The following PDSS2 variants were observed in gnomAD, a reference collection of about 807,000 sequenced individuals.
PDSS2 encodes the protein all trans-polyprenyl-diphosphate synthase PDSS2.
A neutral mutation model predicts 44.5 loss-of-function variants in PDSS2; 31 were observed. The observed-to-expected ratio is 0.70, with a 90% CI of 0.52 to 0.94. The LOEUF is 0.94. Among genes scored for constraint, PDSS2 ranks in the 40% least tolerant of loss-of-function variants. PDSS2 has a pLI of 0.00. For synonymous variants in PDSS2, 157 were observed against 180.3 expected (o/e 0.87, Z 1.03); for missense variants, 452 against 482.2 (o/e 0.94, Z 0.59).
intron 1 of PDSS2, among the ~76,000 whole-genome samples, chr6:107,437,524 C>CA (rs1781388026): frequency 3.2e-5 from 1 of 30,834 alleles, no homozygotes; most frequent in East Asian, 5.2e-4. Context: ...GACCCTGTCT[C>CA]CAAAAAAAAA....
At chr6:107,171,658 G>A (rs951818645) in intron 7 of PDSS2, among the ~76,000 whole-genome samples, 1 of 152,086 alleles carries the variant, frequency 6.6e-6, no homozygotes, top group Non-Finnish European at 1.5e-5. Flanking sequence ...CTATAGGCAT[G>A]CATCACCATG....
At chr6:107,396,881 C>G (rs1779965533) in intron 1 of PDSS2, among the ~76,000 whole-genome samples, 1 of 151,682 alleles carries the variant, frequency 6.6e-6, no homozygotes, top group African/African-American at 2.4e-5. Flanking sequence ...TTTATAGAGA[C>G]AGGGTCTCAA....
At chr6:107,415,008 T>C (rs929248799) in intron 1 of PDSS2, among the ~76,000 whole-genome samples, 4 of 152,200 alleles carry the variant, frequency 2.6e-5, no homozygotes, top group African/African-American at 9.6e-5. Flanking sequence ...GAGTGAGGCT[T>C]AGATGTAATC....
intron 3 of PDSS2, among the ~76,000 whole-genome samples, chr6:107,251,790 G>C (rs1444127457): frequency 6.6e-6 from 1 of 152,130 alleles, no homozygotes; most frequent in African/African-American, 2.4e-5. Flanking sequence ...GTGCTGAATA[G>C]GCCGATAAAG....
intron 1 of PDSS2, among the ~76,000 whole-genome samples, chr6:107,338,541 T>C (rs1022767167): frequency 2.6e-5 from 4 of 152,100 alleles, no homozygotes; most frequent in African/African-American, 9.7e-5. Context: ...CACAATAAAA[T>C]GTGGCAGGAA....
chr6:107,361,823 T>C (rs1015384963), intron 1 of PDSS2, among the ~76,000 whole-genome samples: 2 of 152,234 alleles, frequency 1.3e-5, no homozygotes, highest in African/African-American at 4.8e-5. Context: ...TTAGAACTGC[T>C]GAACTTCAGA....
At chr6:107,430,829 AG>A in intron 1 of PDSS2, among the ~76,000 whole-genome samples, 1 of 152,192 alleles carries the variant, frequency 6.6e-6, no homozygotes, top group South Asian at 2.1e-4. Flanking sequence ...AAAAGAAAAA[AG>A]TTCTAAAATC....
Position 107,174,624 on chromosome 6 carries a change from C to G in PDSS2, c.1041+19198G>C, listed in dbSNP as rs190719388. Among the ~76,000 whole-genome samples the G allele has an allele frequency of 8.9e-4, 135 of 152,268 alleles. 1 individual carries two copies. The Middle Eastern group carries it at 0.014, about 15-fold the overall frequency. On this transcript the variant is annotated intron_variant, in intron 7 of 7. Transcript: ENST00000369037. ...AGCTACAGTTTTCTAATACAATAAA[C>G]TGTGAAATGCATTGCAAACAACATA...
chr6:107,358,787 A>T (rs1778667114), intron 1 of PDSS2, among the ~76,000 whole-genome samples: 1 of 152,150 alleles, frequency 6.6e-6, no homozygotes, highest in Non-Finnish European at 1.5e-5. Context: ...TATATTTAGT[A>T]GCATCCCTAA....
chr6:107,277,649 A>G (rs1463322008), intron 2 of PDSS2, among the ~76,000 whole-genome samples: 1 of 152,118 alleles, frequency 6.6e-6, no homozygotes, highest in African/African-American at 2.4e-5. Flanking sequence ...AGACATGGAG[A>G]GAAATAAATA....
At chr6:107,428,578 AG>A (rs1468255840) in intron 1 of PDSS2, among the ~76,000 whole-genome samples, 2 of 152,234 alleles carry the variant, frequency 1.3e-5, no homozygotes, top group Admixed American at 6.5e-5. Context: ...CTGTAATCCC[AG>A]CACTTTGGGA....
intron 1 of PDSS2, among the ~76,000 whole-genome samples, chr6:107,341,293 G>A (rs1251148974): frequency 6.6e-6 from 1 of 152,160 alleles, no homozygotes; most frequent in African/African-American, 2.4e-5. Context: ...GCAAAGGAAT[G>A]TAAGATTCCA....
In PDSS2 at chr6:107,188,577, A is replaced by T. The variant is rs149297769; in HGVS notation, c.1041+5245T>A. On this transcript the variant is annotated intron_variant, in intron 7 of 7. Transcript: ENST00000369037. Reference sequence around the variant, plus strand: ...AGATTAAGTGAACAATTTGGTTTGGATGTTTTATCCCCTCCAAATCTCATG... The same window carrying T: ...AGATTAAGTGAACAATTTGGTTTGGTTGTTTTATCCCCTCCAAATCTCATG... 2.6e-5 allele frequency among the ~76,000 whole-genome samples: 4 copies of T among 152,122 alleles called. No individual in the cohort carries two copies. In the East Asian group the frequency reaches 5.8e-4, roughly 22 times the overall value.
At chr6:107,185,838 C>T (rs1772146812) in intron 7 of PDSS2, among the ~76,000 whole-genome samples, 1 of 152,114 alleles carries the variant, frequency 6.6e-6, no homozygotes, top group Admixed American at 6.5e-5. Flanking sequence ...AGGCCAGAAG[C>T]CTAAAGAGCT....
intron 6 of PDSS2, among the ~76,000 whole-genome samples, chr6:107,206,199 G>A (rs951119897): frequency 3.3e-5 from 5 of 152,136 alleles, no homozygotes; most frequent in African/African-American, 1.2e-4. Context: ...AGCCTCCCGA[G>A]TAGCTGGGAT....
intron 1 of PDSS2, among the ~76,000 whole-genome samples, chr6:107,354,805 A>G (rs955346045): frequency 6.6e-6 from 1 of 152,250 alleles, no homozygotes; most frequent in Non-Finnish European, 1.5e-5. Flanking sequence ...TTTAAATTAT[A>G]TAAATAGCCA....
At chr6:107,273,403 A>T (rs925105292) in intron 3 of PDSS2, among the ~76,000 whole-genome samples, 2 of 152,210 alleles carry the variant, frequency 1.3e-5, no homozygotes, top group African/African-American at 4.8e-5. Flanking sequence ...AATCTGGAAT[A>T]GGGAAAATTG....
chr6:107,191,113 G>A (rs942551664), intron 7 of PDSS2, among the ~76,000 whole-genome samples: 4 of 152,048 alleles, frequency 2.6e-5, no homozygotes, highest in Admixed American at 6.6e-5. Flanking sequence ...GGATGGTCTC[G>A]ATCTCCTGAC....
chr6:107,229,983 C>T (rs781693232), intron 4 of PDSS2: 10 of 214,166 alleles, frequency 4.7e-5, no homozygotes, highest in Middle Eastern at 2.6e-3. Flanking sequence ...GCATGATGTA[C>T]GACTCGCTGG....
Sources: allele counts gnomAD v4.1 joint callset (sites outside exome capture counted in the v4.1 genomes callset), GRCh38; gene constraint gnomAD v4.1.1; transcripts MANE v1.5; gene names NCBI Gene and HGNC (gene_info 2026-07-23, HGNC 2026-07-21).